The following MBNL2 variants were observed in gnomAD, a reference collection of about 807,000 sequenced individuals.
MBNL2 encodes muscleblind like splicing regulator 2.
Under a neutral mutation model 41.9 loss-of-function variants are expected in MBNL2, and 17 were observed. The observed-to-expected ratio is 0.41, with a 90% CI of 0.28 to 0.61. The LOEUF (loss-of-function observed/expected upper bound fraction) is 0.61, where lower values mean the gene tolerates loss of function less well. Ranked by LOEUF, MBNL2 falls within the 20% of genes least tolerant of loss-of-function variation. MBNL2 has a pLI of 0.35. For missense variants in MBNL2, 336 were observed against 505.6 expected (o/e 0.66, Z 3.22); for synonymous variants, 195 against 182.9 (o/e 1.07, Z -0.53).
the MBNL2 span, among the ~76,000 whole-genome samples, chr13:97,154,902 A>G: frequency 1.3e-5 from 2 of 152,172 alleles, no homozygotes; most frequent in South Asian, 2.1e-4. Flanking sequence ...GATTAGAGGG[A>G]CCAATATTGA....
intron 1 of MBNL2, among the ~76,000 whole-genome samples, chr13:97,258,187 A>G (rs2047925532): frequency 6.6e-6 from 1 of 151,946 alleles, no homozygotes; most frequent in Non-Finnish European, 1.5e-5. Context: ...ACATTTTTAC[A>G]GAAGATATGC....
At chr13:97,173,790 G>A in the MBNL2 span, among the ~76,000 whole-genome samples, 29 of 152,122 alleles carry the variant, frequency 1.9e-4, no homozygotes, top group African/African-American at 7.0e-4. Context: ...CCTGTCTCTG[G>A]AATATCTGCG....
intron 8 of MBNL2, among the ~76,000 whole-genome samples, chr13:97,382,399 C>A (rs561189522): frequency 3.3e-5 from 5 of 152,316 alleles, no homozygotes; most frequent in African/African-American, 1.2e-4. Context: ...ATCACCAAAC[C>A]CCCAGATGTC....
the MBNL2 span, among the ~76,000 whole-genome samples, chr13:97,173,080 G>A: frequency 3.3e-5 from 5 of 152,186 alleles, no homozygotes; most frequent in African/African-American, 1.2e-4. Context: ...GAAAAGGGAT[G>A]TGTTGTATGT....
the MBNL2 span, among the ~76,000 whole-genome samples, chr13:97,153,352 G>T: frequency 6.6e-6 from 1 of 151,760 alleles, no homozygotes; most frequent in Non-Finnish European, 1.5e-5. Context: ...TTCTTGGAGG[G>T]GGAAGAAGTG....
intron 1 of MBNL2, among the ~76,000 whole-genome samples, chr13:97,232,742 C>T (rs1447645655): frequency 6.6e-6 from 1 of 151,944 alleles, no homozygotes; most frequent in East Asian, 1.9e-4. Context: ...CAGTTTTAGC[C>T]AGAAGTCCCT....
At chr13:97,144,015 T>C in the MBNL2 span, among the ~76,000 whole-genome samples, 3 of 151,928 alleles carry the variant, frequency 2.0e-5, no homozygotes, top group Non-Finnish European at 4.4e-5. Context: ...GGCTAATTTT[T>C]GTATTTTTAG....
At chr13:97,198,249 AT>A in the MBNL2 span, among the ~76,000 whole-genome samples, 3 of 152,046 alleles carry the variant, frequency 2.0e-5, no homozygotes, top group African/African-American at 7.2e-5. Context: ...GTTAAAGAGA[AT>A]TCTCCTGCCT....
Position 97,260,041 on chromosome 13 carries a change from A to G in MBNL2, c.-604-15591A>G, listed in dbSNP as rs112617384. Among the ~76,000 whole-genome samples, 610 of 152,338 alleles carry G rather than the reference A, an allele frequency of 4.0e-3. 5 individuals carry two copies. The highest frequency in any genetic ancestry group is 0.014 in the African/African-American group (572 of 41,586). On this transcript the variant is annotated intron_variant, in intron 1 of 8. Coordinates refer to ENST00000679496, the MANE Select transcript of MBNL2 (RefSeq NM_001382683.1). Reference sequence around the variant, plus strand: ...GGTTGAGAGAGAAAATGCACAGATAAACAAGTATGCATGTGAGTGTTAAAT... The same window carrying G: ...GGTTGAGAGAGAAAATGCACAGATAGACAAGTATGCATGTGAGTGTTAAAT...
At chr13:97,287,636 G>A (rs187930315) in intron 2 of MBNL2, among the ~76,000 whole-genome samples, 51 of 151,008 alleles carry the variant, frequency 3.4e-4, no homozygotes, top group African/African-American at 1.1e-3. Context: ...TCTACAAAAC[G>A]TTGTTTTTTA....
At chr13:97,217,780 T>C (rs1358275312), upstream of MBNL2, among the ~76,000 whole-genome samples, 6 of 152,054 alleles carry the variant, frequency 3.9e-5, no homozygotes, top group Non-Finnish European at 1.5e-5. Flanking sequence ...AAGATGATTT[T>C]GGCTGAGGTG....
Position 97,260,449 on chromosome 13 carries a change from A to C in MBNL2, c.-604-15183A>C, listed in dbSNP as rs150921400. Among the ~76,000 whole-genome samples, 73 of 152,252 alleles carry C rather than the reference A, an allele frequency of 4.8e-4. 2 individuals carry two copies. The South Asian group carries it at 0.012, about 25-fold the overall frequency. On this transcript the variant is annotated intron_variant, in intron 1 of 8. Transcript: ENST00000679496. ...AAGAGTCCCTCAGGATGATTTATTG[A>C]GATGTGGCTGCAGTGCGGCAAGGGT...
At chr13:97,374,063 A>ATTTGTTTTTTTTTTTT (rs2064689888) in intron 8 of MBNL2, among the ~76,000 whole-genome samples, 1 of 63,128 alleles carries the variant, frequency 1.6e-5, no homozygotes, top group Non-Finnish European at 3.1e-5. Context: ...CCTCCTTTGC[A>ATTTGTTTTTTTTTTTT]TTTTTTTTTT....
At chr13:97,166,822 AGATAGAT>A in the MBNL2 span, among the ~76,000 whole-genome samples, 1 of 151,480 alleles carries the variant, frequency 6.6e-6, no homozygotes, top group African/African-American at 2.4e-5. Flanking sequence ...ATAGATAGAT[AGATAGAT>A]AGATAGATAG....
chr13:97,156,263 ATTTG>A, the MBNL2 span, among the ~76,000 whole-genome samples: 1 of 133,626 alleles, frequency 7.5e-6, no homozygotes, highest in African/African-American at 2.9e-5. Flanking sequence ...TTTCTTGTAA[ATTTG>A]TTTGAGTTCA....
the MBNL2 span, among the ~76,000 whole-genome samples, chr13:97,195,726 G>T: frequency 1.3e-5 from 2 of 152,144 alleles, no homozygotes; most frequent in Non-Finnish European, 2.9e-5. Context: ...GACTTTAAAA[G>T]GTTTTAGGTG....
the MBNL2 span, among the ~76,000 whole-genome samples, chr13:97,186,812 T>C: frequency 6.6e-6 from 1 of 152,132 alleles, no homozygotes; most frequent in Non-Finnish European, 1.5e-5. Context: ...TGTATCACAA[T>C]ACAGGCATTG....
chr13:97,282,909 CA>C (rs2053705904), intron 2 of MBNL2, among the ~76,000 whole-genome samples: 1 of 152,228 alleles, frequency 6.6e-6, no homozygotes, highest in Non-Finnish European at 1.5e-5. Flanking sequence ...GAAGTGCAGT[CA>C]TCCCCAGAGA....
intron 1 of MBNL2, among the ~76,000 whole-genome samples, chr13:97,237,607 C>T (rs1286972981): frequency 2.6e-5 from 4 of 152,172 alleles, no homozygotes; most frequent in Non-Finnish European, 4.4e-5. Context: ...AAACATCTGA[C>T]ATGGCCTTGA....
Sources: gnomAD v4.1 joint callset for allele counts (sites outside exome capture counted in the v4.1 genomes callset) on GRCh38, gnomAD v4.1.1 for gene constraint, MANE v1.5 for transcripts, NCBI Gene and HGNC (gene_info 2026-07-23, HGNC 2026-07-21) for gene names.